The following CERS4 variants were observed in gnomAD, a reference collection of about 807,000 sequenced individuals.
CERS4 encodes the protein ceramide synthase 4.
In CERS4, 65 loss-of-function variants were observed where a neutral mutation model predicts 51.8. The ratio of observed to expected loss-of-function variants is 1.26; its 90% CI spans 1.03 to 1.54. CERS4 has a LOEUF of 1.54. Among genes scored for constraint, CERS4 ranks in the 40% most tolerant of loss-of-function variants. The pLI is 0.00. For missense variants in CERS4, 563 were observed against 500.4 expected, an observed-to-expected ratio of 1.13 and a Z score of -1.19; for synonymous variants, 228 against 208.4, an observed-to-expected ratio of 1.09 and a Z score of -0.81.
At chr19:8,252,159 A>G (rs1969118606) in intron 3 of CERS4, among the ~76,000 whole-genome samples, 1 of 151,992 alleles carries the variant, frequency 6.6e-6, no homozygotes, top group Non-Finnish European at 1.5e-5. Flanking sequence ...TCATGATGTC[A>G]GGAGTTCAAG....
chr19:8,243,215 AAAAAAAAAT>A (rs1431569740), intron 2 of CERS4, among the ~76,000 whole-genome samples: 8 of 150,060 alleles, frequency 5.3e-5, no homozygotes, highest in African/African-American at 2.0e-4. Flanking sequence ...AAAAAAAAAA[AAAAAAAAAT>A]AGGGGATTGC....
At chr19:8,237,890 A>G (rs1968342341) in intron 2 of CERS4, among the ~76,000 whole-genome samples, 1 of 152,194 alleles carries the variant, frequency 6.6e-6, no homozygotes, top group Non-Finnish European at 1.5e-5. Context: ...CACACTTTAA[A>G]CACGTACAGC....
intron 2 of CERS4, among the ~76,000 whole-genome samples, chr19:8,225,543 C>T: frequency 6.6e-6 from 1 of 151,602 alleles, no homozygotes; most frequent in Non-Finnish European, 1.5e-5. Flanking sequence ...CCTGCCTCAG[C>T]CTCTCGAGTG....
intron 2 of CERS4, among the ~76,000 whole-genome samples, chr19:8,237,285 C>T (rs1300941139): frequency 6.6e-6 from 1 of 152,032 alleles, no homozygotes; most frequent in Non-Finnish European, 1.5e-5. Context: ...GGTGCCGTGG[C>T]TCATGCCTGT....
chr19:8,243,040 C>G (rs907506963), intron 2 of CERS4, among the ~76,000 whole-genome samples: 3 of 151,142 alleles, frequency 2.0e-5, no homozygotes, highest in African/African-American at 7.3e-5. Flanking sequence ...ACCTTGGGGT[C>G]TGTCAGAAAG....
chr19:8,256,547 G>A, intron 7 of CERS4, 71 bp from the exon 8 acceptor site: 1 of 1,412,512 alleles, frequency 7.1e-7, no homozygotes, highest in East Asian at 2.3e-5. Context: ...AACGGAGTGG[G>A]CCCGGAGCCA....
intron 2 of CERS4, among the ~76,000 whole-genome samples, chr19:8,242,585 G>C (rs1455622471): frequency 1.3e-5 from 2 of 152,146 alleles, no homozygotes; most frequent in African/African-American, 4.8e-5. Flanking sequence ...CTGCTTTCAG[G>C]AGGAGGTGAC....
intron 2 of CERS4, 91 bp from the exon 3 acceptor site, chr19:8,250,985 T>G: frequency 1.3e-6 from 2 of 1,489,652 alleles, no homozygotes; most frequent in Non-Finnish European, 1.8e-6. Flanking sequence ...GGGGCCCGAG[T>G]AGGAGTTCTG....
At chr19:8,232,577 C>T (rs928894517) in intron 2 of CERS4, among the ~76,000 whole-genome samples, 1 of 152,094 alleles carries the variant, frequency 6.6e-6, no homozygotes, top group Admixed American at 6.6e-5. Flanking sequence ...TAGGCATGAG[C>T]CACTGTGCCC....
chr19:8,259,028 G>C (rs1263105731), intron 10 of CERS4, among the ~76,000 whole-genome samples: 1 of 151,966 alleles, frequency 6.6e-6, no homozygotes, highest in African/African-American at 2.4e-5. Context: ...CAGCTACTCG[G>C]GAGGCTAAGG....
At chr19:8,255,766 CCGGGGTGGGGCGGGG>C (rs769099073) in intron 5 of CERS4, 41 bp downstream of exon 5, 14 of 1,518,780 alleles carry the variant, frequency 9.2e-6, no homozygotes, top group Non-Finnish European at 1.3e-5. Context: ...GGGAAGCGGG[CCGGGGTGGGGCGGGG>C]CGGGTGTCTG....
chr19:8,249,136 G>C (rs1399517171), intron 2 of CERS4, among the ~76,000 whole-genome samples: 1 of 146,612 alleles, frequency 6.8e-6, no homozygotes, highest in Non-Finnish European at 1.5e-5. Context: ...TGATGAGTGG[G>C]TGGACAGATG....
intron 2 of CERS4, among the ~76,000 whole-genome samples, chr19:8,246,219 TAGTC>T (rs1468291169): frequency 6.6e-6 from 1 of 152,064 alleles, no homozygotes; most frequent in African/African-American, 2.4e-5. Flanking sequence ...GAGACTGGAT[TAGTC>T]AGGTACATAG....
At chr19:8,218,637 A>C (rs562863629) in intron 2 of CERS4, among the ~76,000 whole-genome samples, 28 of 152,192 alleles carry the variant, frequency 1.8e-4, no homozygotes, top group Admixed American at 6.5e-4. Flanking sequence ...TGGGGAAGGG[A>C]CAGGCTGGTA....
chr19:8,228,034 G>A (rs992465487), intron 2 of CERS4, among the ~76,000 whole-genome samples: 1 of 152,022 alleles, frequency 6.6e-6, no homozygotes, highest in African/African-American at 2.4e-5. Flanking sequence ...GACAATTTTT[G>A]TATTTTTAGT....
rs758491270 is a variant in CERS4, at chr19:8,256,302, T to C, written c.519+16T>C. On this transcript the variant is annotated intron_variant, in intron 7 of 11. Transcript: ENST00000251363. ...CCCAAACCAGGTGAGTGGCAGAGTG[T>C]GTGTGAATGCTTGGAGGGTGAGGGC... 3.1e-6 allele frequency: 5 copies of C among 1,612,940 alleles called. No homozygotes were observed. Among genetic ancestry groups the C allele is most frequent in the Non-Finnish European group, 4.2e-6 (5 of 1,179,648 alleles).
At chr19:8,224,796 CG>C (rs1967717435) in intron 2 of CERS4, among the ~76,000 whole-genome samples, 1 of 151,996 alleles carries the variant, frequency 6.6e-6, no homozygotes, top group Admixed American at 6.6e-5. Flanking sequence ...GCGGGAAAGA[CG>C]GACGTAATCG....
At chr19:8,254,214 T>G (rs1264169079) in intron 3 of CERS4, among the ~76,000 whole-genome samples, 2 of 146,358 alleles carry the variant, frequency 1.4e-5, no homozygotes, top group Admixed American at 7.0e-5. Context: ...TCCCAGCTAC[T>G]CGGGAGGCTG....
At chr19:8,237,027 A>AC (rs1968298176) in intron 2 of CERS4, among the ~76,000 whole-genome samples, 4 of 147,748 alleles carry the variant, frequency 2.7e-5, no homozygotes, top group African/African-American at 5.1e-5. Context: ...AAAAAAAAAA[A>AC]CGAAAAGGAG....
Sources: allele counts gnomAD v4.1 joint callset (sites outside exome capture counted in the v4.1 genomes callset), GRCh38; gene constraint gnomAD v4.1.1; transcripts MANE v1.5; gene names NCBI Gene and HGNC (gene_info 2026-07-23, HGNC 2026-07-21).